Variants in PAX8 observed in about 807,000 individuals in gnomAD.
PAX8 encodes the protein paired box 8.
A neutral mutation model predicts 52.4 loss-of-function variants in PAX8; 15 were observed. The ratio of observed to expected loss-of-function variants is 0.29; its 90% CI spans 0.19 to 0.44. The LOEUF is 0.44. PAX8 is among the 20% of genes least tolerant of loss of function. The probability of loss-of-function intolerance (pLI) is 1.00; values close to 1 mark genes in which losing one functional copy is unlikely to be tolerated. For missense variants in PAX8, 554 were observed against 602.5 expected, an observed-to-expected ratio of 0.92 and a Z score of 0.84; for synonymous variants, 284 against 249.7, an observed-to-expected ratio of 1.14 and a Z score of -1.29.
At chr2:113,237,260 C>T (rs909105785) in intron 7 of PAX8, 3 of 152,826 alleles carry the variant, frequency 2.0e-5, no homozygotes, top group Non-Finnish European at 2.9e-5. Context: ...CCACTTCTTA[C>T]ATTTGCAAAG....
intron 2 of PAX8, chr2:113,271,828 TGTC>T (rs947205833): frequency 8.6e-5 from 13 of 151,216 alleles, no homozygotes; most frequent in African/African-American, 2.7e-4. Flanking sequence ...TCTATAAAAA[TGTC>T]GTAGCAATAC....
intron 9 of PAX8, among the ~76,000 whole-genome samples, chr2:113,232,523 T>C (rs535824552): frequency 8.5e-4 from 130 of 152,350 alleles, no homozygotes; most frequent in African/African-American, 2.7e-3. Flanking sequence ...TTTGGCTGCC[T>C]GCTTCCTACA....
At chr2:113,251,255 G>A (rs375164730) in intron 2 of PAX8, among the ~76,000 whole-genome samples, 1 of 152,172 alleles carries the variant, frequency 6.6e-6, no homozygotes, top group South Asian at 2.1e-4. Flanking sequence ...TCCTGCACTG[G>A]GGTTGGGGGG....
intron 2 of PAX8, chr2:113,272,024 TG>T (rs1330156589): frequency 1.3e-5 from 2 of 152,090 alleles, no homozygotes; most frequent in African/African-American, 4.8e-5. Flanking sequence ...AAATGTGACA[TG>T]GGCAGAGCAG....
intron 3 of PAX8, among the ~76,000 whole-genome samples, chr2:113,245,131 C>G (rs568008232): frequency 4.1e-4 from 63 of 151,954 alleles, no homozygotes; most frequent in South Asian, 3.5e-3. Flanking sequence ...ACTTCAAACT[C>G]TGCCTCCCAG....
chr2:113,224,325 T>G (rs954313049), intron 10 of PAX8, among the ~76,000 whole-genome samples: 1 of 152,020 alleles, frequency 6.6e-6, no homozygotes, highest in Admixed American at 6.5e-5. Flanking sequence ...GGCGGGCAGA[T>G]TGCCTGAGGC....
chr2:113,248,673 T>TG (rs937585340), intron 2 of PAX8, among the ~76,000 whole-genome samples: 4 of 151,508 alleles, frequency 2.6e-5, no homozygotes, highest in African/African-American at 9.7e-5. Context: ...ATAAAGGGGG[T>TG]GGGGGCCAGG....
intron 2 of PAX8, among the ~76,000 whole-genome samples, chr2:113,277,312 G>A (rs1405291634): frequency 6.6e-6 from 1 of 152,248 alleles, no homozygotes; most frequent in East Asian, 1.9e-4. Flanking sequence ...CCTGGGACTG[G>A]AGACTGCGCC....
At chr2:113,255,798 C>T (rs1214907779) in intron 2 of PAX8, among the ~76,000 whole-genome samples, 1 of 151,568 alleles carries the variant, frequency 6.6e-6, no homozygotes, top group Non-Finnish European at 1.5e-5. Flanking sequence ...GTTGATAGCT[C>T]TGTTGGGAAG....
chr2:113,228,415 C>T (rs1689706590), intron 9 of PAX8, among the ~76,000 whole-genome samples: 1 of 152,216 alleles, frequency 6.6e-6, no homozygotes, highest in Non-Finnish European at 1.5e-5. Context: ...GTGATATTTA[C>T]AGAGTTTCTC....
At chr2:113,245,797 A>T (rs760111229) in intron 3 of PAX8, among the ~76,000 whole-genome samples, 1 of 152,196 alleles carries the variant, frequency 6.6e-6, no homozygotes, top group African/African-American at 2.4e-5. Context: ...AACCCATCAC[A>T]GGAATCCCCT....
At chr2:113,267,412 C>G (rs1693158886) in intron 2 of PAX8, 1 of 152,162 alleles carries the variant, frequency 6.6e-6, no homozygotes, top group Admixed American at 6.5e-5. Flanking sequence ...AATGCTGGAC[C>G]AAAAGGTCTC....
intron 2 of PAX8, among the ~76,000 whole-genome samples, chr2:113,256,596 T>A (rs1692267816): frequency 6.7e-6 from 1 of 148,952 alleles, no homozygotes; most frequent in African/African-American, 2.5e-5. Flanking sequence ...ATTCCATATA[T>A]GGAATATATA....
intron 10 of PAX8, among the ~76,000 whole-genome samples, chr2:113,224,841 T>A (rs75319616): frequency 1.7e-3 from 3 of 1,758 alleles, no homozygotes; most frequent in Admixed American, 8.5e-3. Flanking sequence ...AAATAAAATA[T>A]AAAATAAAAT....
intron 2 of PAX8, among the ~76,000 whole-genome samples, chr2:113,249,313 T>C (rs547863431): frequency 6.6e-6 from 1 of 152,224 alleles, no homozygotes; most frequent in Non-Finnish European, 1.5e-5. Context: ...ACTGCATCAT[T>C]GTTGCCTTCC....
intron 2 of PAX8, chr2:113,276,062 A>G (rs746826710): frequency 6.6e-6 from 1 of 152,208 alleles, no homozygotes; most frequent in Non-Finnish European, 1.5e-5. Context: ...CAGAAAACTC[A>G]AGGGGAGCTC....
intron 6 of PAX8, 102 bp downstream of exon 6, chr2:113,241,906 C>A: frequency 6.7e-7 from 1 of 1,497,760 alleles, no homozygotes; most frequent in East Asian, 2.4e-5. Flanking sequence ...TGCAGAGCCC[C>A]TACAAAGTCC....
Position 113,258,629 on chromosome 2 carries a change from A to G in PAX8, c.26-11710T>C, listed in dbSNP as rs531335222. Among the ~76,000 whole-genome samples, 5 of 152,172 alleles carry G rather than the reference A, an allele frequency of 3.3e-5. No homozygotes were observed. In the East Asian group the frequency reaches 9.7e-4, roughly 29 times the overall value. On this transcript the variant is annotated intron_variant, in intron 2 of 11. Transcript: ENST00000429538. ...CAAAGGCATTCGCAGCTCCGCTGTT[A>G]TTCTTGTATTAGCATTGAACCCATT...
At chr2:113,270,500 G>A (rs1466975321) in intron 2 of PAX8, 2 of 152,146 alleles carry the variant, frequency 1.3e-5, no homozygotes, top group Non-Finnish European at 2.9e-5. Flanking sequence ...CTTTCATCCT[G>A]GCTTCACGCT....
Sources: allele counts gnomAD v4.1 joint callset (sites outside exome capture counted in the v4.1 genomes callset), GRCh38; gene constraint gnomAD v4.1.1; transcripts MANE v1.5; gene names NCBI Gene and HGNC (gene_info 2026-07-23, HGNC 2026-07-21).